The following ZFPM2 variants were observed in gnomAD, a reference collection of about 807,000 sequenced individuals.
ZFPM2 encodes zinc finger protein, FOG family member 2.
In ZFPM2, 20 loss-of-function variants were observed where a neutral mutation model predicts 98.6. That is an observed-to-expected ratio of 0.20 (90% CI 0.14 to 0.29). The LOEUF is 0.29. Among genes scored for constraint, ZFPM2 ranks in the 10% least tolerant of loss-of-function variants. ZFPM2 has a pLI of 1.00. For synonymous variants in ZFPM2, 518 were observed against 502.7 expected (o/e 1.03, Z -0.41); for missense variants, 1,310 against 1,388.6 (o/e 0.94, Z 0.90).
intron 4 of ZFPM2, among the ~76,000 whole-genome samples, chr8:105,626,202 A>T (rs1331690956): frequency 1.3e-5 from 2 of 152,146 alleles, no homozygotes; most frequent in African/African-American, 4.8e-5. Flanking sequence ...GAGACTCTAG[A>T]CCATGCCAGG....
At chr8:105,576,518 G>A (rs907701770) in intron 4 of ZFPM2, among the ~76,000 whole-genome samples, 1 of 152,098 alleles carries the variant, frequency 6.6e-6, no homozygotes, top group African/African-American at 2.4e-5. Flanking sequence ...TTGTTTTGGT[G>A]AGTTTAACTC....
intron 4 of ZFPM2, among the ~76,000 whole-genome samples, chr8:105,606,466 T>C (rs1816199895): frequency 1.3e-5 from 2 of 152,082 alleles, no homozygotes; most frequent in African/African-American, 4.8e-5. Context: ...AGCTTGTGGC[T>C]CTGGGCCACT....
At chr8:105,635,459 A>G (rs1309875250) in intron 5 of ZFPM2, among the ~76,000 whole-genome samples, 1 of 142,270 alleles carries the variant, frequency 7.0e-6, no homozygotes, top group African/African-American at 2.6e-5. Context: ...TTTGCAAGCT[A>G]AAAAAAAAAA....
At chr8:105,600,803 T>G (rs2130783168) in intron 4 of ZFPM2, among the ~76,000 whole-genome samples, 1 of 152,248 alleles carries the variant, frequency 6.6e-6, no homozygotes, top group Non-Finnish European at 1.5e-5. Flanking sequence ...AAGTAAGAAC[T>G]CAAGGATAGA....
intron 6 of ZFPM2, among the ~76,000 whole-genome samples, chr8:105,791,778 G>A (rs1349924494): frequency 3.3e-5 from 5 of 152,166 alleles, no homozygotes; most frequent in South Asian, 2.1e-4. Flanking sequence ...TCCTGTTATT[G>A]GTCTATTCAG....
chr8:105,678,359 C>T (rs1810517044), intron 5 of ZFPM2: 1 of 152,170 alleles, frequency 6.6e-6, no homozygotes, highest in Non-Finnish European at 1.5e-5. Flanking sequence ...CCCTCTGCCT[C>T]ATCAATTGCC....
chr8:105,738,988 C>T (rs879618542), intron 5 of ZFPM2, among the ~76,000 whole-genome samples: 2 of 152,054 alleles, frequency 1.3e-5, no homozygotes, highest in Non-Finnish European at 2.9e-5. Context: ...TCTATACAGA[C>T]TGATTAGTTG....
chr8:105,652,858 G>A (rs557942212), intron 5 of ZFPM2, among the ~76,000 whole-genome samples: 1 of 152,032 alleles, frequency 6.6e-6, no homozygotes, highest in Non-Finnish European at 1.5e-5. Context: ...AATACTCTGT[G>A]GTCTCAATTC....
intron 5 of ZFPM2, among the ~76,000 whole-genome samples, chr8:105,773,588 A>G (rs1404014613): frequency 6.6e-6 from 1 of 151,782 alleles, no homozygotes; most frequent in Non-Finnish European, 1.5e-5. Flanking sequence ...AATAGAACTA[A>G]TTAACTACAC....
At chr8:105,357,129 C>A (rs1000758692) in intron 1 of ZFPM2, among the ~76,000 whole-genome samples, 7 of 152,154 alleles carry the variant, frequency 4.6e-5, no homozygotes, top group African/African-American at 1.7e-4. Context: ...TCTCCCAGCA[C>A]ACACACGTGA....
At position 105,671,154 on chromosome 8, in the gene ZFPM2, C is replaced by A. The variant is rs1462315421; in HGVS notation, c.532+36797C>A. On this transcript the variant is annotated intron_variant, in intron 5 of 7. Transcript: ENST00000407775. ...CTTAAAGATAAATATTTTTAAAAAT[C>A]TTGATACATATATTTTGCCATACAA... Among the ~76,000 whole-genome samples the A allele has an allele frequency of 2.6e-5, 4 of 151,884 alleles. No homozygotes were observed. The East Asian group carries it at 7.7e-4, about 29-fold the overall frequency.
chr8:105,505,941 T>C lies in ZFPM2; in HGVS notation c.302-55422T>C, dbSNP rs1370729179. Among the ~76,000 whole-genome samples the C allele has an allele frequency of 1.9e-4, 12 of 64,646 alleles. No individual in the cohort carries two copies. In the African/African-American group the frequency reaches 1.9e-3, roughly 10 times the overall value. The allele number at this position is 64,646 out of a possible 152,430, so 42.4% of individuals were successfully genotyped here. ...ATGGAGGAAAAATATATTGTAACTC[T>C]TTTTTTAACAATGATATTTTTAAAG... On this transcript the variant is annotated intron_variant, in intron 3 of 7. Coordinates refer to ENST00000407775, the MANE Select transcript of ZFPM2 (RefSeq NM_012082.4).
chr8:105,780,520 A>G (rs1417244956), intron 5 of ZFPM2: 1 of 152,240 alleles, frequency 6.6e-6, no homozygotes. Flanking sequence ...ATCATTGTTT[A>G]TCCACTTCCT....
chr8:105,543,628 A>G (rs1814627826), intron 3 of ZFPM2, among the ~76,000 whole-genome samples: 1 of 152,060 alleles, frequency 6.6e-6, no homozygotes, highest in Admixed American at 6.6e-5. Context: ...TTTTTAAGTG[A>G]TGTATCTTTT....
intron 5 of ZFPM2, among the ~76,000 whole-genome samples, chr8:105,760,554 G>T (rs1459891061): frequency 6.6e-6 from 1 of 152,030 alleles, no homozygotes; most frequent in African/African-American, 2.4e-5. Context: ...AAAAAATTAT[G>T]CAGGAAATGA....
chr8:105,679,818 G>A (rs575534989), intron 5 of ZFPM2, among the ~76,000 whole-genome samples: 2 of 148,528 alleles, frequency 1.3e-5, no homozygotes, highest in Non-Finnish European at 3.0e-5. Flanking sequence ...AAAAAAGAAA[G>A]CAATATGTAT....
At chr8:105,642,815 G>A (rs1816972938) in intron 5 of ZFPM2, among the ~76,000 whole-genome samples, 1 of 152,146 alleles carries the variant, frequency 6.6e-6, no homozygotes, top group African/African-American at 2.4e-5. Flanking sequence ...ACAAAGATGT[G>A]GAATTTTGGT....
rs181312438 is a variant in ZFPM2, at chr8:105,702,677, C to T, written c.532+68320C>T. ...GTTCATCCTCAACCCCAAAAGGGGA[C>T]ACGTGTATAAGGGAGTTGGGATTCT... On this transcript the variant is annotated intron_variant, in intron 5 of 7. Transcript: ENST00000407775. Among the ~76,000 whole-genome samples the T allele has an allele frequency of 2.0e-5, 3 of 152,302 alleles. No individual in the cohort carries two copies. The East Asian group carries it at 5.8e-4, about 29-fold the overall frequency.
chr8:105,576,305 G>GCCC (rs1398055275), intron 4 of ZFPM2, among the ~76,000 whole-genome samples: 2 of 151,862 alleles, frequency 1.3e-5, no homozygotes, highest in African/African-American at 4.8e-5. Flanking sequence ...CCTACTATTG[G>GCCC]CCTGGTGTCT....
Sources: allele counts gnomAD v4.1 joint callset (sites outside exome capture counted in the v4.1 genomes callset), GRCh38; gene constraint gnomAD v4.1.1; transcripts MANE v1.5; gene names NCBI Gene and HGNC (gene_info 2026-07-23, HGNC 2026-07-21).